ZFAND3: variants seen among roughly 807,000 people sequenced by gnomAD.
ZFAND3 encodes AN1-type zinc finger protein 3.
ZFAND3 carries 10 observed loss-of-function variants against 29.6 expected under a neutral mutation model. The observed-to-expected ratio is 0.34, with a 90% CI of 0.21 to 0.57. The LOEUF (loss-of-function observed/expected upper bound fraction) is 0.57. Among genes scored for constraint, ZFAND3 ranks in the 20% least tolerant of loss-of-function variants. The probability of loss-of-function intolerance (pLI) is 0.86; values close to 1 mark genes in which losing one functional copy is unlikely to be tolerated. For synonymous variants in ZFAND3, 128 were observed against 112.6 expected (o/e 1.14, Z -0.87); for missense variants, 230 against 304.5 (o/e 0.76, Z 1.82).
intron 1 of ZFAND3, among the ~76,000 whole-genome samples, chr6:37,847,746 A>T (rs1264296709): frequency 6.6e-6 from 1 of 152,236 alleles, no homozygotes; most frequent in African/African-American, 2.4e-5. Flanking sequence ...CTAGAGCCAG[A>T]TCTGGCCAGT....
chr6:38,129,687 G>A (rs1330854421), intron 5 of ZFAND3, among the ~76,000 whole-genome samples: 2 of 152,084 alleles, frequency 1.3e-5, no homozygotes, highest in African/African-American at 4.8e-5. Context: ...TGTGCCTTTT[G>A]TTATGCCATT....
intron 1 of ZFAND3, among the ~76,000 whole-genome samples, chr6:37,852,645 A>T (rs1764302241): frequency 6.6e-6 from 1 of 151,314 alleles, no homozygotes. Flanking sequence ...TTCCCTTAGC[A>T]TTTTGTGTTA....
intron 5 of ZFAND3, among the ~76,000 whole-genome samples, chr6:38,137,211 C>A (rs972683773): frequency 6.6e-6 from 1 of 152,174 alleles, no homozygotes; most frequent in Non-Finnish European, 1.5e-5. Flanking sequence ...CTATGAATAA[C>A]GGCAATAGAA....
intron 2 of ZFAND3, among the ~76,000 whole-genome samples, chr6:38,018,020 T>G (rs1763282092): frequency 6.6e-6 from 1 of 152,206 alleles, no homozygotes. Flanking sequence ...CCTTTTGCAG[T>G]TGTTGGTGGA....
intron 3 of ZFAND3, 112 bp from the exon 4 acceptor site, chr6:38,082,280 A>G (rs781189103): frequency 3.2e-6 from 3 of 939,176 alleles, no homozygotes; most frequent in Non-Finnish European, 3.2e-6. Context: ...TCTCCTCGTT[A>G]TATTTTCAGG....
chr6:37,896,399 C>T (rs913851885), intron 1 of ZFAND3, among the ~76,000 whole-genome samples: 1 of 151,890 alleles, frequency 6.6e-6, no homozygotes, highest in Non-Finnish European at 1.5e-5. Flanking sequence ...ATGAAAAAAC[C>T]CAACTTTATT....
At chr6:38,140,325 A>C (rs974707449) in intron 5 of ZFAND3, among the ~76,000 whole-genome samples, 2 of 152,228 alleles carry the variant, frequency 1.3e-5, no homozygotes, top group African/African-American at 4.8e-5. Flanking sequence ...GCACTGAATA[A>C]TGCTAATATT....
At chr6:37,965,720 T>A (rs901204595) in intron 2 of ZFAND3, among the ~76,000 whole-genome samples, 1 of 152,212 alleles carries the variant, frequency 6.6e-6, no homozygotes, top group African/African-American at 2.4e-5. Context: ...TGAATACTGC[T>A]GCCTTATGGA....
chr6:38,088,020 A>G (rs78962030), intron 4 of ZFAND3, among the ~76,000 whole-genome samples: 3,242 of 152,308 alleles, frequency 0.021, 91 homozygotes, highest in African/African-American at 0.072. Flanking sequence ...ATTAAATCAG[A>G]AGTGGCCCCA....
intron 3 of ZFAND3, among the ~76,000 whole-genome samples, chr6:38,080,232 C>G (rs1429366926): frequency 6.6e-6 from 1 of 151,812 alleles, no homozygotes; most frequent in African/African-American, 2.4e-5. Context: ...GTGCAGCAAA[C>G]CACCGTGGCA....
chr6:37,884,011 G>T (rs1764944820), intron 1 of ZFAND3, among the ~76,000 whole-genome samples: 1 of 145,104 alleles, frequency 6.9e-6, no homozygotes, highest in African/African-American at 2.8e-5. Context: ...AAGGGCCCTA[G>T]AGCTCCTGGG....
At chr6:38,030,598 C>T (rs1763540944) in intron 2 of ZFAND3, among the ~76,000 whole-genome samples, 1 of 151,958 alleles carries the variant, frequency 6.6e-6, no homozygotes, top group Non-Finnish European at 1.5e-5. Flanking sequence ...TCAACAGAAA[C>T]AATGAACTCC....
At chr6:38,142,679 G>C (rs1175335897) in intron 5 of ZFAND3, among the ~76,000 whole-genome samples, 1 of 152,220 alleles carries the variant, frequency 6.6e-6, no homozygotes, top group Non-Finnish European at 1.5e-5. Flanking sequence ...CTTCCCCTGA[G>C]AGCCGTGTAG....
chr6:38,092,861 C>G (rs1198439667), intron 4 of ZFAND3, among the ~76,000 whole-genome samples: 1 of 152,186 alleles, frequency 6.6e-6, no homozygotes, highest in African/African-American at 2.4e-5. Flanking sequence ...TCTGGTACTT[C>G]ATGTATTTGT....
At chr6:37,914,683 A>C (rs866771790) in intron 1 of ZFAND3, among the ~76,000 whole-genome samples, 4 of 28,608 alleles carry the variant, frequency 1.4e-4, no homozygotes, top group Non-Finnish European at 2.5e-4. Flanking sequence ...TTTTTTTTTT[A>C]GTGGAGACGG....
intron 5 of ZFAND3, among the ~76,000 whole-genome samples, chr6:38,124,610 G>A (rs1028241802): frequency 1.3e-5 from 2 of 152,198 alleles, no homozygotes; most frequent in Non-Finnish European, 2.9e-5. Flanking sequence ...GGGCCGCTCC[G>A]AGTGTGGGGC....
At chr6:37,963,483 C>T (rs6917668) in intron 2 of ZFAND3, among the ~76,000 whole-genome samples, 45,820 of 151,530 alleles carry the variant, frequency 0.3, 7,446 homozygotes, top group East Asian at 0.57. Flanking sequence ...AGTAAAGATA[C>T]GAGCAGAAAT....
At chr6:38,116,507 A>G (rs1310145106) in intron 4 of ZFAND3, 65 bp from the exon 5 acceptor site, 3 of 1,531,632 alleles carry the variant, frequency 2.0e-6, no homozygotes, top group African/African-American at 1.4e-5. Flanking sequence ...CTGGAAATAC[A>G]TTAATCAACT....
At chr6:37,874,468 C>T (rs12206818) in intron 1 of ZFAND3, among the ~76,000 whole-genome samples, 8 of 142,350 alleles carry the variant, frequency 5.6e-5, no homozygotes, top group African/African-American at 1.9e-4. Context: ...GAGCCGAGAT[C>T]GTGCCATTGC....
Sources: gnomAD v4.1 joint callset for allele counts (sites outside exome capture counted in the v4.1 genomes callset) on GRCh38, gnomAD v4.1.1 for gene constraint, MANE v1.5 for transcripts, NCBI Gene and HGNC (gene_info 2026-07-23, HGNC 2026-07-21) for gene names.